PTPRT: variants seen among roughly 807,000 people sequenced by gnomAD.
PTPRT encodes the protein protein tyrosine phosphatase receptor type T, also known as receptor-type tyrosine-protein phosphatase T.
Under a neutral mutation model 176.8 loss-of-function variants are expected in PTPRT, and 56 were observed. The observed-to-expected ratio is 0.32, with a 90% confidence interval of 0.26 to 0.40. The LOEUF (loss-of-function observed/expected upper bound fraction) is 0.40. Ranked by LOEUF, PTPRT falls within the 10% of genes least tolerant of loss-of-function variation. The pLI, the probability that PTPRT is intolerant of heterozygous loss-of-function variation, is 1.00. For synonymous variants in PTPRT, 783 were observed against 739.0 expected (o/e 1.06, Z -0.96); for missense variants, 1,540 against 1,908.2 (o/e 0.81, Z 3.60).
intron 12 of PTPRT, among the ~76,000 whole-genome samples, chr20:42,305,647 G>C (rs1381350974): frequency 1.3e-5 from 2 of 152,044 alleles, no homozygotes; most frequent in African/African-American, 2.4e-5. Flanking sequence ...GTGTGTTTTA[G>C]CAAGTATACC....
chr20:43,174,969 A>G (rs898117587), intron 1 of PTPRT, among the ~76,000 whole-genome samples: 1 of 152,252 alleles, frequency 6.6e-6, no homozygotes, highest in Non-Finnish European at 1.5e-5. Context: ...TAAGAAACAT[A>G]GAAATCATCT....
At chr20:43,071,931 A>G (rs549481486) in intron 1 of PTPRT, among the ~76,000 whole-genome samples, 1 of 152,310 alleles carries the variant, frequency 6.6e-6, no homozygotes, top group African/African-American at 2.4e-5. Context: ...GTCAGTCACC[A>G]TTGTTTTCCA....
intron 7 of PTPRT, among the ~76,000 whole-genome samples, chr20:42,566,738 T>C (rs1446083363): frequency 6.6e-6 from 1 of 152,128 alleles, no homozygotes; most frequent in Non-Finnish European, 1.5e-5. Flanking sequence ...CATACCACAC[T>C]GAATGCAATG....
At chr20:43,044,272 G>A (rs1218910719) in intron 1 of PTPRT, among the ~76,000 whole-genome samples, 1 of 152,060 alleles carries the variant, frequency 6.6e-6, no homozygotes, top group Non-Finnish European at 1.5e-5. Flanking sequence ...CTGACCAGAG[G>A]GCAGTTGACC....
At chr20:42,473,986 G>A (rs1451773803) in intron 7 of PTPRT, among the ~76,000 whole-genome samples, 1 of 152,144 alleles carries the variant, frequency 6.6e-6, no homozygotes, top group Non-Finnish European at 1.5e-5. Context: ...GATAATAATA[G>A]TAGCTAACCT....
Position 42,671,299 on chromosome 20 carries a change from T to G in PTPRT, c.1153+6567A>C, listed in dbSNP as rs1480817223. On this transcript the variant is annotated intron_variant, in intron 7 of 30. Transcript: ENST00000373187. ...CAAGCTAACACTGGATAGAGGATAA[T>G]AGTCACCACCCGAGATCTCCAGCAG... 2.6e-5 allele frequency among the ~76,000 whole-genome samples: 4 copies of G among 152,254 alleles called. No homozygotes were observed. The Middle Eastern group carries it at 0.014, about 518-fold the overall frequency.
chr20:42,795,918 G>C (rs1037834120), intron 2 of PTPRT, among the ~76,000 whole-genome samples: 1 of 152,210 alleles, frequency 6.6e-6, no homozygotes, highest in African/African-American at 2.4e-5. Context: ...ATAACAGATA[G>C]CCAACAGCAG....
In PTPRT at chr20:42,710,381, G is replaced by A. The variant is rs2076126537; in HGVS notation, c.860-32222C>T. Among the ~76,000 whole-genome samples the A allele has an allele frequency of 3.9e-5, 6 of 152,304 alleles. No individual in the cohort carries two copies. In the South Asian group the frequency reaches 1.2e-3, roughly 32 times the overall value. On this transcript the variant is annotated intron_variant, in intron 6 of 30. Coordinates refer to ENST00000373187, the MANE Select transcript of PTPRT (RefSeq NM_007050.6). ...TAGGGGCCAGGCATGGGACCCTTCT[G>A]CCCTGCCCAGCCTCAGGACACTGCT...
chr20:42,370,018 C>A (rs189116691), intron 9 of PTPRT, among the ~76,000 whole-genome samples: 4 of 151,998 alleles, frequency 2.6e-5, no homozygotes, highest in African/African-American at 9.7e-5. Context: ...GCCTTCATGT[C>A]CCCTCCTCTC....
intron 9 of PTPRT, among the ~76,000 whole-genome samples, chr20:42,437,336 C>G (rs547736633): frequency 1.2e-4 from 18 of 152,318 alleles, no homozygotes; most frequent in Non-Finnish European, 2.1e-4. Flanking sequence ...CCTCCTAAGC[C>G]ACAAATGTGG....
intron 15 of PTPRT, among the ~76,000 whole-genome samples, chr20:42,221,246 C>T (rs2055879702): frequency 6.6e-6 from 1 of 152,126 alleles, no homozygotes. Flanking sequence ...TCAGGTGATC[C>T]ATCCGCCTTG....
At chr20:43,031,130 C>T (rs1172328549) in intron 1 of PTPRT, among the ~76,000 whole-genome samples, 1 of 152,154 alleles carries the variant, frequency 6.6e-6, no homozygotes, top group Non-Finnish European at 1.5e-5. Flanking sequence ...CTCACATCAA[C>T]CAGGCTTTGG....
chr20:42,843,627 G>A (rs559840709), intron 2 of PTPRT, among the ~76,000 whole-genome samples: 20 of 152,340 alleles, frequency 1.3e-4, no homozygotes, highest in African/African-American at 4.8e-4. Context: ...TGCTATTGAG[G>A]GGAGCAGAAA....
At chr20:43,001,682 A>G (rs531126987) in intron 1 of PTPRT, among the ~76,000 whole-genome samples, 1 of 152,284 alleles carries the variant, frequency 6.6e-6, no homozygotes, top group South Asian at 2.1e-4. Context: ...AAATTCTAAG[A>G]AAATGAAAGC....
chr20:42,812,420 T>G (rs208216), intron 2 of PTPRT, among the ~76,000 whole-genome samples: 14,405 of 152,124 alleles, frequency 0.095, 866 homozygotes, highest in Admixed American at 0.15. Context: ...TGGTAACCTC[T>G]AATCTACTTT....
chr20:42,820,810 T>C lies in PTPRT; in HGVS notation c.215-29344A>G, dbSNP rs2077879724. 2.6e-5 allele frequency among the ~76,000 whole-genome samples: 4 copies of C among 152,228 alleles called. No homozygotes were observed. In the South Asian group the frequency reaches 8.3e-4, roughly 32 times the overall value. ...CCTCACGTAAATAAACTAGAAAATC[T>C]AGAAGAAATTGATAAATTCCTGGAC... is the stretch of plus-strand genomic sequence containing the variant. On this transcript the variant is annotated intron_variant, in intron 2 of 30. Coordinates refer to ENST00000373187, the MANE Select transcript of PTPRT (RefSeq NM_007050.6).
At chr20:42,749,226 C>T (rs2038668) in intron 6 of PTPRT, among the ~76,000 whole-genome samples, 42,291 of 151,964 alleles carry the variant, frequency 0.28, 6,284 homozygotes, top group South Asian at 0.38. Flanking sequence ...GAAGCCCAGG[C>T]TCCTATTCTG....
intron 1 of PTPRT, among the ~76,000 whole-genome samples, chr20:43,059,978 G>A (rs1987387703): frequency 6.6e-6 from 1 of 151,214 alleles, no homozygotes; most frequent in East Asian, 1.9e-4. Flanking sequence ...TTCTGAGACA[G>A]AGTGAGACTT....
At position 42,785,685 on chromosome 20, in the gene PTPRT, G is replaced by T. The variant is rs115052803; in HGVS notation, c.487-5386C>A. On this transcript the variant is annotated intron_variant, in intron 3 of 30. Coordinates refer to ENST00000373187, the MANE Select transcript of PTPRT (RefSeq NM_007050.6). ...GCAATGAGGCTGTAGTAGCCAATAA[G>T]GTGCAAATCAGAAAATTCTCCCAGA... Among the ~76,000 whole-genome samples the T allele has an allele frequency of 4.4e-3, 676 of 152,292 alleles. 4 individuals are homozygous for T. Among genetic ancestry groups the T allele is most frequent in the African/African-American group, 0.015 (640 of 41,550 alleles).
Sources: allele counts gnomAD v4.1 joint callset (sites outside exome capture counted in the v4.1 genomes callset), GRCh38; gene constraint gnomAD v4.1.1; transcripts MANE v1.5; gene names NCBI Gene and HGNC (gene_info 2026-07-23, HGNC 2026-07-21).